Variants in PDE11A observed in about 807,000 individuals in gnomAD.
PDE11A encodes phosphodiesterase 11A, also known as dual 3',5'-cyclic-AMP and -GMP phosphodiesterase 11A.
In PDE11A, 100 loss-of-function variants were observed where a neutral mutation model predicts 100.5. That is an observed-to-expected ratio of 1.00 (90% CI 0.85 to 1.18). The LOEUF is 1.18. PDE11A is among the 50% of genes most tolerant of loss of function. The pLI, the probability that PDE11A is intolerant of heterozygous loss-of-function variation, is 0.00. For synonymous variants in PDE11A, 381 were observed against 420.8 expected, an observed-to-expected ratio of 0.91 and a Z score of 1.16; for missense variants, 1,141 against 1,152.6, an observed-to-expected ratio of 0.99 and a Z score of 0.15.
chr2:177,656,262 G>A (rs2080381973), intron 19 of PDE11A, among the ~76,000 whole-genome samples: 1 of 152,140 alleles, frequency 6.6e-6, no homozygotes, highest in Non-Finnish European at 1.5e-5. Flanking sequence ...TTTTCTATAT[G>A]TTTAGATGCA....
chr2:177,897,926 T>C (rs946159242), intron 4 of PDE11A, 132 bp downstream of exon 4: 4 of 746,908 alleles, frequency 5.4e-6, no homozygotes, highest in Non-Finnish European at 9.3e-6. Flanking sequence ...ACTTGTTTGA[T>C]GAAAAGTTGC....
At chr2:178,058,140 G>A (rs371639096) in intron 1 of PDE11A, among the ~76,000 whole-genome samples, 1 of 152,214 alleles carries the variant, frequency 6.6e-6, no homozygotes, top group South Asian at 2.1e-4. Context: ...ACAGGCGTGA[G>A]CCACTGCGCC....
At chr2:177,893,052 C>A (rs1012994699) in intron 4 of PDE11A, among the ~76,000 whole-genome samples, 1 of 152,122 alleles carries the variant, frequency 6.6e-6, no homozygotes, top group African/African-American at 2.4e-5. Context: ...CACCACTATA[C>A]GGAGAATTGA....
chr2:177,968,451 C>T (rs1246976055), intron 2 of PDE11A, among the ~76,000 whole-genome samples: 1 of 152,104 alleles, frequency 6.6e-6, no homozygotes, highest in Admixed American at 6.5e-5. Flanking sequence ...TTTTCTATAG[C>T]AAACTAAAGA....
At position 177,997,773 on chromosome 2, in the gene PDE11A, A is replaced by G. The variant is rs112598781; in HGVS notation, c.1071+16529T>C. ...AACTGAACTGTAGTTTGGGTTCTTCATCACCAGCATTCCCTCCATTTTCTG... is the reference window on the plus strand; with the variant it reads ...AACTGAACTGTAGTTTGGGTTCTTCGTCACCAGCATTCCCTCCATTTTCTG... On this transcript the variant is annotated intron_variant, in intron 2 of 19. Transcript: ENST00000286063. 9.7e-4 allele frequency: 1,318 copies of G among 1,352,608 alleles called. 7 individuals are homozygous for G. In the African/African-American group the frequency reaches 0.015, roughly 16 times the overall value. The allele number at this position is 1,352,608 out of a possible 1,614,324, so 83.8% of individuals were successfully genotyped here. A position where few individuals can be genotyped will look rare whatever the true frequency, so the allele number is the denominator to read the frequency against.
Position 177,903,274 on chromosome 2 carries a change from C to A in PDE11A, c.1161+1824G>T, listed in dbSNP as rs535873394. Among the ~76,000 whole-genome samples, 4 of 152,314 alleles carry A rather than the reference C, an allele frequency of 2.6e-5. No homozygotes were observed. The South Asian group carries it at 8.3e-4, about 32-fold the overall frequency. Reference sequence around the variant, plus strand: ...TTCATTCAAGTTTCTGCTTATAGATCATGTCCTTATACAGACCTTTTTGAT... The same window carrying A: ...TTCATTCAAGTTTCTGCTTATAGATAATGTCCTTATACAGACCTTTTTGAT... On this transcript the variant is annotated intron_variant, in intron 3 of 19. Coordinates refer to ENST00000286063, the MANE Select transcript of PDE11A (RefSeq NM_016953.4).
At chr2:178,050,065 T>C (rs1290697662) in intron 1 of PDE11A, among the ~76,000 whole-genome samples, 1 of 152,196 alleles carries the variant, frequency 6.6e-6, no homozygotes, top group African/African-American at 2.4e-5. Flanking sequence ...AGTGGCTTCC[T>C]GACCCCCGAG....
At chr2:177,965,090 T>C (rs1344536524) in intron 2 of PDE11A, among the ~76,000 whole-genome samples, 1 of 152,206 alleles carries the variant, frequency 6.6e-6, no homozygotes, top group Non-Finnish European at 1.5e-5. Context: ...GGTAACACAT[T>C]GTGGTTTTGA....
chr2:177,888,694 G>A, intron 4 of PDE11A: 1 of 973,858 alleles, frequency 1.0e-6, no homozygotes, highest in South Asian at 4.8e-5. Context: ...TCTCAGGATT[G>A]TATTTGCAGT....
intron 13 of PDE11A, among the ~76,000 whole-genome samples, chr2:177,703,644 A>T (rs181888028): frequency 1.2e-4 from 19 of 152,272 alleles, no homozygotes; most frequent in Non-Finnish European, 4.4e-5. Flanking sequence ...TCTAGTCAAG[A>T]TACAAAATGT....
chr2:178,005,364 T>G (rs539753107), intron 2 of PDE11A, among the ~76,000 whole-genome samples: 2 of 152,040 alleles, frequency 1.3e-5, no homozygotes, highest in Non-Finnish European at 2.9e-5. Flanking sequence ...AAATTACATA[T>G]CCTGGCCAGA....
chr2:177,861,714 C>CA (rs1412083459), intron 5 of PDE11A, among the ~76,000 whole-genome samples: 3 of 151,914 alleles, frequency 2.0e-5, no homozygotes, highest in African/African-American at 7.2e-5. Context: ...GTGATACTGG[C>CA]ATGAAGACAT....
At chr2:177,960,081 A>C (rs2085613051) in intron 2 of PDE11A, among the ~76,000 whole-genome samples, 1 of 151,980 alleles carries the variant, frequency 6.6e-6, no homozygotes, top group Non-Finnish European at 1.5e-5. Context: ...ATGAGCAATC[A>C]CTGTCATTAT....
Position 177,840,331 on chromosome 2 carries a change from T to A in PDE11A, c.1420A>T (p.Ser474Cys). The change falls in exon 6 of 20, where the codon AGC becomes TGC. Residue 474 changes from serine (S) to cysteine (C), a missense_variant. Transcript: ENST00000286063. ...SSYSDWLINNSIAELVASTGL... is the reference protein window; with the variant it reads ...SSYSDWLINNCIAELVASTGL... ...GTTGAAGCAACCAGCTCAGCAATGC[T>A]GTTATTTATTAGCCAGTCGGAGTAT... The A allele has an allele frequency of 1.2e-6, 2 of 1,613,520 alleles. No homozygotes were observed. The highest frequency in any genetic ancestry group is 2.2e-5 in the South Asian group (2 of 91,074).
chr2:177,984,275 A>G (rs535071122), intron 2 of PDE11A, among the ~76,000 whole-genome samples: 19 of 152,324 alleles, frequency 1.2e-4, no homozygotes, highest in African/African-American at 4.3e-4. Context: ...TTGCTCTTGT[A>G]AACAGATTGT....
At chr2:177,772,466 A>G (rs944505232) in intron 9 of PDE11A, among the ~76,000 whole-genome samples, 3 of 152,182 alleles carry the variant, frequency 2.0e-5, no homozygotes, top group East Asian at 1.9e-4. Context: ...TAAAATATCA[A>G]TAGGTATTTC....
intron 1 of PDE11A, among the ~76,000 whole-genome samples, chr2:178,023,737 C>G (rs938540272): frequency 1.3e-5 from 2 of 152,074 alleles, no homozygotes; most frequent in South Asian, 2.1e-4. Flanking sequence ...ACAAAAGCCC[C>G]TATTAATTCC....
intron 5 of PDE11A, among the ~76,000 whole-genome samples, chr2:177,847,724 G>A (rs566170057): frequency 6.6e-6 from 1 of 152,318 alleles, no homozygotes; most frequent in East Asian, 1.9e-4. Flanking sequence ...TAGAAGAAGG[G>A]AAGAATACTG....
intron 15 of PDE11A, 25 bp from the exon 16 acceptor site, chr2:177,680,928 G>T: frequency 1.5e-6 from 2 of 1,329,564 alleles, no homozygotes; most frequent in Non-Finnish European, 2.1e-6. Context: ...AATGAAGAAA[G>T]AAAGAAAAAA....
Sources: gnomAD v4.1 joint callset for allele counts (sites outside exome capture counted in the v4.1 genomes callset) on GRCh38, gnomAD v4.1.1 for gene constraint, MANE v1.5 for transcripts, NCBI Gene and HGNC (gene_info 2026-07-23, HGNC 2026-07-21) for gene names.